The following NAV2 variants were observed in gnomAD, a reference collection of about 807,000 sequenced individuals.
NAV2 encodes the protein helicase, APC down-regulated 1.
Under a neutral mutation model 223.2 loss-of-function variants are expected in NAV2, and 54 were observed. The ratio of observed to expected loss-of-function variants is 0.24; its 90% CI spans 0.19 to 0.30. NAV2 has a LOEUF of 0.30. Ranked by LOEUF, NAV2 falls within the 10% of genes least tolerant of loss-of-function variation. The pLI is 1.00. For missense variants in NAV2, 2,806 were observed against 3,147.5 expected (o/e 0.89, Z 2.60); for synonymous variants, 1,279 against 1,239.3 (o/e 1.03, Z -0.67).
intron 4 of NAV2, among the ~76,000 whole-genome samples, chr11:19,874,065 G>A (rs2062699558): frequency 6.6e-6 from 1 of 152,128 alleles, no homozygotes; most frequent in Non-Finnish European, 1.5e-5. Flanking sequence ...CTACAAAGCA[G>A]GTTTCTTTGT....
rs917469809 is a variant in NAV2 at position 19,491,096 on chromosome 11, G to A, written c.75+140069G>A. 5.3e-5 allele frequency among the ~76,000 whole-genome samples: 8 copies of A among 152,192 alleles called. No homozygotes were observed. In the East Asian group the frequency reaches 7.7e-4, roughly 15 times the overall value. On this transcript the variant is annotated intron_variant, in intron 1 of 37. Transcript: ENST00000360655. ...GTAAACCATGCTGTAAATGAATGGG[G>A]TCTCATCCAGGCTTTGTCATTCCAT... is the stretch of plus-strand genomic sequence containing the variant.
intron 1 of NAV2, among the ~76,000 whole-genome samples, chr11:19,814,554 G>A (rs1222404585): frequency 1.3e-5 from 2 of 152,204 alleles, no homozygotes. Context: ...GACAGTTACT[G>A]TAACTCAGGG....
chr11:19,452,734 AT>A (rs1851831657), intron 1 of NAV2, among the ~76,000 whole-genome samples: 1 of 152,160 alleles, frequency 6.6e-6, no homozygotes, highest in Admixed American at 6.5e-5. Flanking sequence ...ATCTCATGCA[AT>A]TTTTTTGAAT....
chr11:19,347,349 G>T (rs1692999808), upstream of NAV2, among the ~76,000 whole-genome samples: 1 of 152,166 alleles, frequency 6.6e-6, no homozygotes, highest in African/African-American at 2.4e-5. Context: ...CTAAGACTAG[G>T]AAGCTTTTTC....
intron 3 of NAV2, among the ~76,000 whole-genome samples, chr11:19,858,524 A>AT (rs2061513058): frequency 6.6e-6 from 1 of 152,222 alleles, no homozygotes; most frequent in Admixed American, 6.5e-5. Context: ...TGCAGTGAAC[A>AT]TGAGGGTACA....
chr11:19,780,104 G>A (rs2056615043), intron 1 of NAV2, among the ~76,000 whole-genome samples: 1 of 152,220 alleles, frequency 6.6e-6, no homozygotes, highest in Admixed American at 6.5e-5. Context: ...ATAAGGCCCA[G>A]AGTAATTAGA....
rs560263890 is a variant in NAV2 at position 19,951,114 on chromosome 11, A to C, written c.2645+2034A>C. Among the ~76,000 whole-genome samples the C allele has an allele frequency of 7.2e-4, 110 of 152,276 alleles. 1 individual carries two copies. Among genetic ancestry groups the C allele is most frequent in the African/African-American group, 2.6e-3 (107 of 41,548 alleles). On this transcript the variant is annotated intron_variant, in intron 10 of 37. Transcript: ENST00000349880. ...TAGAATAATGTTTGGAGGTTTTATG[A>C]CTGGCTTTGGGGAAAAAGGGTTCTG... is the stretch of plus-strand genomic sequence containing the variant.
At chr11:19,568,916 A>C (rs1202691801) in intron 1 of NAV2, among the ~76,000 whole-genome samples, 2 of 152,212 alleles carry the variant, frequency 1.3e-5, no homozygotes, top group Non-Finnish European at 2.9e-5. Flanking sequence ...TCTCCTACGC[A>C]TCTTCTATGT....
At chr11:19,881,670 A>G (rs1033342920) in intron 5 of NAV2, among the ~76,000 whole-genome samples, 2 of 152,204 alleles carry the variant, frequency 1.3e-5, no homozygotes, top group Non-Finnish European at 2.9e-5. Context: ...GGAGTCAAGA[A>G]TGAATGAGAT....
intron 11 of NAV2, chr11:20,027,407 T>G: frequency 3.0e-6 from 3 of 985,498 alleles, no homozygotes; most frequent in Non-Finnish European, 3.6e-6. Context: ...GCGGGGGGCA[T>G]GGGCCAGCCC....
intron 11 of NAV2, among the ~76,000 whole-genome samples, chr11:20,018,212 G>A (rs2054175164): frequency 6.6e-6 from 1 of 152,036 alleles, no homozygotes; most frequent in Non-Finnish European, 1.5e-5. Context: ...AAATTAACCA[G>A]GAATGGTGGT....
chr11:20,066,672 A>G (rs1221040355), intron 20 of NAV2, among the ~76,000 whole-genome samples: 3 of 152,172 alleles, frequency 2.0e-5, no homozygotes, highest in African/African-American at 7.2e-5. Flanking sequence ...TGCGAGTTCT[A>G]ATGAATCATA....
chr11:19,690,616 GA>G (rs1370562802), intron 1 of NAV2, among the ~76,000 whole-genome samples: 1 of 152,188 alleles, frequency 6.6e-6, no homozygotes, highest in Non-Finnish European at 1.5e-5. Flanking sequence ...TGACAATGGG[GA>G]CACATGTGTT....
chr11:19,566,054 T>TTTATTTTATTTTATTTTATTTTATA, intron 1 of NAV2, among the ~76,000 whole-genome samples: 2 of 150,164 alleles, frequency 1.3e-5, no homozygotes, highest in African/African-American at 4.9e-5. Context: ...TTTATTTTAT[T>TTTATTTTATTTTATTTTATTTTATA]TTATTTTATT....
intron 1 of NAV2, among the ~76,000 whole-genome samples, chr11:19,407,514 G>A (rs1849950324): frequency 6.6e-6 from 1 of 152,210 alleles, no homozygotes; most frequent in East Asian, 1.9e-4. Flanking sequence ...GAGAACATGG[G>A]AGGGTTTGTA....
upstream of NAV2, among the ~76,000 whole-genome samples, chr11:19,708,644 G>A (rs572407604): frequency 5.9e-5 from 9 of 152,312 alleles, no homozygotes; most frequent in Non-Finnish European, 2.9e-5. Context: ...AGTGGCTGAC[G>A]TTGAGGAGCA....
At chr11:19,916,019 T>TG (rs374102378) in intron 6 of NAV2, among the ~76,000 whole-genome samples, 4 of 152,160 alleles carry the variant, frequency 2.6e-5, no homozygotes, top group African/African-American at 9.7e-5. Context: ...ATCTGTAAAA[T>TG]GGGGGTATAG....
chr11:19,598,227 A>G (rs2046259556), intron 1 of NAV2, among the ~76,000 whole-genome samples: 1 of 152,172 alleles, frequency 6.6e-6, no homozygotes, highest in African/African-American at 2.4e-5. Flanking sequence ...CTGCAGTCCA[A>G]CAGACCTTTC....
At chr11:19,623,110 TA>T in intron 1 of NAV2, among the ~76,000 whole-genome samples, 1 of 152,340 alleles carries the variant, frequency 6.6e-6, no homozygotes, top group South Asian at 2.1e-4. Flanking sequence ...TCTTCTAGCT[TA>T]TAGAGTTTCT....
Sources: gnomAD v4.1 joint callset for allele counts (sites outside exome capture counted in the v4.1 genomes callset) on GRCh38, gnomAD v4.1.1 for gene constraint, MANE v1.5 for transcripts, NCBI Gene and HGNC (gene_info 2026-07-23, HGNC 2026-07-21) for gene names.